FARP1: variants seen among roughly 807,000 people sequenced by gnomAD.
FARP1 encodes FERM, ARH/RhoGEF and pleckstrin domain protein 1, also known as FERM, ARHGEF and pleckstrin domain-containing protein 1.
A neutral mutation model predicts 128.8 loss-of-function variants in FARP1; 52 were observed. That is an observed-to-expected ratio of 0.40 (90% CI 0.32 to 0.51). The LOEUF (loss-of-function observed/expected upper bound fraction) is 0.51, where lower values mean the gene tolerates loss of function less well. FARP1 is among the 20% of genes least tolerant of loss of function. FARP1 has a pLI of 0.45. For synonymous variants in FARP1, 580 were observed against 551.8 expected (o/e 1.05, Z -0.72); for missense variants, 1,333 against 1,367.9 (o/e 0.97, Z 0.40).
intron 2 of FARP1, among the ~76,000 whole-genome samples, chr13:98,267,461 G>GT (rs1481049886): frequency 1.3e-5 from 2 of 152,198 alleles, no homozygotes; most frequent in African/African-American, 4.8e-5. Context: ...GTCTGCTGCT[G>GT]TGGTTGGGGG....
intron 2 of FARP1, among the ~76,000 whole-genome samples, chr13:98,261,452 C>T (rs1330117164): frequency 2.6e-5 from 4 of 152,132 alleles, no homozygotes; most frequent in South Asian, 2.1e-4. Flanking sequence ...CTCCTCCCTT[C>T]GTTGACCAGA....
intron 2 of FARP1, chr13:98,328,911 A>G (rs1887353142): frequency 6.6e-6 from 1 of 152,212 alleles, no homozygotes; most frequent in Non-Finnish European, 1.5e-5. Context: ...TATTTCTGAA[A>G]TTTTCCATTT....
chr13:98,397,333 C>T (rs1890587284), intron 13 of FARP1: 1 of 152,180 alleles, frequency 6.6e-6, no homozygotes, highest in South Asian at 2.1e-4. Flanking sequence ...AACTAAATGC[C>T]TGCCTTTGAA....
chr13:98,296,456 T>C (rs1427710273), intron 2 of FARP1, among the ~76,000 whole-genome samples: 1 of 152,086 alleles, frequency 6.6e-6, no homozygotes, highest in Non-Finnish European at 1.5e-5. Flanking sequence ...ACCCCCGTTC[T>C]CGCCAGAGTG....
chr13:98,420,145 A>C (rs1299341178), intron 16 of FARP1, among the ~76,000 whole-genome samples: 1 of 152,108 alleles, frequency 6.6e-6, no homozygotes, highest in African/African-American at 2.4e-5. Flanking sequence ...TGAACTGTTT[A>C]TCTGATGTTC....
intron 2 of FARP1, chr13:98,245,393 G>C: frequency 1.0e-6 from 1 of 975,714 alleles, no homozygotes; most frequent in Non-Finnish European, 1.2e-6. Flanking sequence ...CAGATTTTCA[G>C]CTCCCATGTT....
chr13:98,244,384 A>G (rs1258949562), intron 2 of FARP1: 4 of 937,182 alleles, frequency 4.3e-6, no homozygotes, highest in South Asian at 3.4e-5. Flanking sequence ...AAACATATCC[A>G]TCACTTCCAA....
In FARP1 at chr13:98,176,998, C is replaced by T; in HGVS notation, c.-24+33506C>T. The T allele has an allele frequency of 2.5e-6, 4 of 1,598,572 alleles. No homozygotes were observed. Among genetic ancestry groups the T allele is most frequent in the Non-Finnish European group, 3.4e-6 (4 of 1,179,164 alleles). ...CTCAGGCGCCGCCTCCTCGCCCCTC[C>T]TGTCGCCGTGAGCCGCCTTCTGCCA... On this transcript the variant is annotated intron_variant, in intron 1 of 26. Transcript: ENST00000319562. This position sits in a 1 kb window ranked among gnomAD's most constrained non-coding sequence, Gnocchi z 6.2.
intron 2 of FARP1, among the ~76,000 whole-genome samples, chr13:98,276,784 C>A (rs1480622690): frequency 6.6e-6 from 1 of 152,096 alleles, no homozygotes; most frequent in East Asian, 1.9e-4. Flanking sequence ...TTGCTTTCCC[C>A]AAGACCAGAA....
At chr13:98,439,449 C>T (rs561452992) in intron 21 of FARP1, among the ~76,000 whole-genome samples, 63 of 152,154 alleles carry the variant, frequency 4.1e-4, no homozygotes, top group African/African-American at 1.5e-3. Flanking sequence ...ATGGGATGTG[C>T]AGGTCCATTC....
At chr13:98,442,084 T>G (rs759588422) in intron 24 of FARP1, among the ~76,000 whole-genome samples, 30 of 152,212 alleles carry the variant, frequency 2.0e-4, no homozygotes, top group South Asian at 4.1e-4. Context: ...TCATTGTGAT[T>G]GTGTTTTATG....
intron 1 of FARP1, among the ~76,000 whole-genome samples, chr13:98,172,393 C>T (rs1877715698): frequency 6.6e-6 from 1 of 151,964 alleles, no homozygotes; most frequent in African/African-American, 2.4e-5. Context: ...GTTATGTGAC[C>T]AGCTAGGTTT....
chr13:98,155,864 C>T (rs1304989013), intron 1 of FARP1, among the ~76,000 whole-genome samples: 2 of 152,166 alleles, frequency 1.3e-5, no homozygotes, highest in African/African-American at 4.8e-5. Context: ...ACTGTCACTT[C>T]CACAGTATTC....
At chr13:98,221,856 G>A (rs1881432168) in intron 2 of FARP1, among the ~76,000 whole-genome samples, 1 of 152,176 alleles carries the variant, frequency 6.6e-6, no homozygotes. Flanking sequence ...TTTGAAGGAA[G>A]TGCTCAGTCA....
At chr13:98,305,861 C>CT (rs34016297) in intron 2 of FARP1, among the ~76,000 whole-genome samples, 73,244 of 149,634 alleles carry the variant, frequency 0.49, 17,977 homozygotes, top group African/African-American at 0.57. Context: ...ATTACTTTCC[C>CT]TTTTTTTTTT....
At chr13:98,181,279 G>C (rs1878490501) in intron 1 of FARP1, among the ~76,000 whole-genome samples, 1 of 152,134 alleles carries the variant, frequency 6.6e-6, no homozygotes, top group Admixed American at 6.6e-5. Flanking sequence ...GGCTGTCTGA[G>C]GTTACATCCT....
chr13:98,290,235 T>C (rs1217322414), intron 2 of FARP1, among the ~76,000 whole-genome samples: 1 of 151,808 alleles, frequency 6.6e-6, no homozygotes, highest in Non-Finnish European at 1.5e-5. Context: ...TGGTACTAAG[T>C]ACTACAAAGA....
intron 2 of FARP1, among the ~76,000 whole-genome samples, chr13:98,242,224 C>T (rs542431673): frequency 1.3e-5 from 2 of 152,142 alleles, no homozygotes; most frequent in Non-Finnish European, 2.9e-5. Flanking sequence ...ATGTTCGTAG[C>T]GTACTCCCCC....
chr13:98,198,223 A>T (rs543295687), intron 1 of FARP1, among the ~76,000 whole-genome samples: 66 of 152,332 alleles, frequency 4.3e-4, no homozygotes, highest in African/African-American at 1.5e-3. Flanking sequence ...AGTGAGCCCC[A>T]GGACTTTGCT....
Sources: gnomAD v4.1 joint callset for allele counts (sites outside exome capture counted in the v4.1 genomes callset) on GRCh38, gnomAD v4.1.1 for gene constraint, Gnocchi (gnomAD v3.1) non-coding constraint, MANE v1.5 for transcripts, NCBI Gene and HGNC (gene_info 2026-07-23, HGNC 2026-07-21) for gene names.